Variants in MEIS2 observed in about 807,000 individuals in gnomAD.
MEIS2 encodes the protein homeobox protein Meis2.
In MEIS2, 9 loss-of-function variants were observed where a neutral mutation model predicts 58.6. That is an observed-to-expected ratio of 0.15 (90% CI 0.09 to 0.27). The LOEUF (loss-of-function observed/expected upper bound fraction) is 0.27. Among genes scored for constraint, MEIS2 ranks in the 10% least tolerant of loss-of-function variants. The pLI is 1.00. For synonymous variants in MEIS2, 221 were observed against 228.4 expected (o/e 0.97, Z 0.29); for missense variants, 427 against 635.0 (o/e 0.67, Z 3.52).
chr15:36,917,433 A>G (rs1200204347), intron 9 of MEIS2, among the ~76,000 whole-genome samples: 1 of 151,856 alleles, frequency 6.6e-6, no homozygotes, highest in African/African-American at 2.4e-5. Context: ...TGAGGAAAAA[A>G]ATAAACGAAA....
chr15:37,009,290 A>G (rs1417033621), intron 8 of MEIS2, among the ~76,000 whole-genome samples: 4 of 152,120 alleles, frequency 2.6e-5, no homozygotes, highest in African/African-American at 9.7e-5. Flanking sequence ...CTCCGTCTCA[A>G]AAAAAAATAA....
chr15:36,987,040 A>G (rs2060115537), intron 8 of MEIS2, among the ~76,000 whole-genome samples: 3 of 152,164 alleles, frequency 2.0e-5, no homozygotes, highest in African/African-American at 7.2e-5. Flanking sequence ...TAAGAAAATA[A>G]AACTTTCTGG....
chr15:36,934,687 A>G (rs1483211010), intron 9 of MEIS2, among the ~76,000 whole-genome samples: 1 of 152,218 alleles, frequency 6.6e-6, no homozygotes, highest in Non-Finnish European at 1.5e-5. Context: ...AAATGCTGTC[A>G]TGCAGTGAAA....
chr15:37,030,291 C>T (rs2061861160), intron 8 of MEIS2, among the ~76,000 whole-genome samples: 1 of 152,132 alleles, frequency 6.6e-6, no homozygotes, highest in Non-Finnish European at 1.5e-5. Context: ...AACAAGCAGC[C>T]ACCAAATGTT....
chr15:37,010,626 C>T (rs1323373309), intron 8 of MEIS2, among the ~76,000 whole-genome samples: 2 of 152,220 alleles, frequency 1.3e-5, no homozygotes, highest in Non-Finnish European at 2.9e-5. Flanking sequence ...CAATCCACCC[C>T]CATCGGCCTC....
intron 8 of MEIS2, among the ~76,000 whole-genome samples, chr15:36,973,560 A>G (rs182921217): frequency 6.6e-6 from 1 of 152,216 alleles, no homozygotes; most frequent in Non-Finnish European, 1.5e-5. Flanking sequence ...TAAAAAAGAA[A>G]ACATGAGTGA....
At chr15:37,022,081 A>C (rs1237829757) in intron 8 of MEIS2, among the ~76,000 whole-genome samples, 1 of 152,000 alleles carries the variant, frequency 6.6e-6, no homozygotes, top group Non-Finnish European at 1.5e-5. Flanking sequence ...ATTTTGCATA[A>C]TTTTTGTGTA....
chr15:37,010,085 T>C (rs1268348187), intron 8 of MEIS2, among the ~76,000 whole-genome samples: 1 of 152,058 alleles, frequency 6.6e-6, no homozygotes, highest in Non-Finnish European at 1.5e-5. Context: ...GGGTTTTTTT[T>C]GTTTTGTTTT....
Position 36,969,872 on chromosome 15 carries a change from G to C in MEIS2, c.901-19472C>G, listed in dbSNP as rs994573240. On this transcript the variant is annotated intron_variant, in intron 8 of 11. Coordinates refer to ENST00000561208, the MANE Select transcript of MEIS2 (RefSeq NM_170675.5). Reference sequence around the variant, plus strand: ...TAAATTGCAGCTCCTCGTAACTTAAGACTTGAGAACAATGTCTTTTTGGCT... The same window carrying C: ...TAAATTGCAGCTCCTCGTAACTTAACACTTGAGAACAATGTCTTTTTGGCT... 2.7e-4 allele frequency among the ~76,000 whole-genome samples: 41 copies of C among 151,850 alleles called. 1 individual carries two copies. The highest frequency in any genetic ancestry group is 2.1e-3 in the Admixed American group (32 of 15,214).
intron 7 of MEIS2, among the ~76,000 whole-genome samples, chr15:37,053,200 T>C (rs982229919): frequency 1.1e-4 from 17 of 152,176 alleles, no homozygotes; most frequent in African/African-American, 3.9e-4. Flanking sequence ...ACCTAAGAGC[T>C]ACCAATCAAA....
At chr15:37,001,425 CTCA>C (rs1231920125) in intron 8 of MEIS2, among the ~76,000 whole-genome samples, 1 of 152,188 alleles carries the variant, frequency 6.6e-6, no homozygotes, top group Non-Finnish European at 1.5e-5. Context: ...ATACTGGACT[CTCA>C]TTTTCTCATA....
chr15:36,922,770 C>T (rs1194143282), intron 9 of MEIS2, among the ~76,000 whole-genome samples: 2 of 151,672 alleles, frequency 1.3e-5, no homozygotes, highest in African/African-American at 4.8e-5. Context: ...TGCCACCACA[C>T]CCGCCTAATA....
intron 7 of MEIS2, among the ~76,000 whole-genome samples, chr15:37,062,240 C>T (rs1280268318): frequency 6.6e-6 from 1 of 152,160 alleles, no homozygotes; most frequent in Non-Finnish European, 1.5e-5. Context: ...TACTGATGCC[C>T]TTGGCATAAT....
chr15:36,999,124 C>T (rs2060634708), intron 8 of MEIS2, among the ~76,000 whole-genome samples: 1 of 152,202 alleles, frequency 6.6e-6, no homozygotes, highest in Admixed American at 6.5e-5. Context: ...CAGGTGCTAG[C>T]AATCTCTTTG....
chr15:37,095,520 G>C lies in MEIS2; in HGVS notation c.438+44C>G, dbSNP rs183924525. The C allele has an allele frequency of 8.6e-5, 139 of 1,613,922 alleles. 1 individual carries two copies. In the African/African-American group the frequency reaches 1.5e-3, roughly 17 times the overall value. The stretch of plus-strand genomic sequence containing the variant: ...AGAAAGTGGGTGCTTCTGGGCATGG[G>C]AGAGGGCAAAGGCTGGGGAAAAACA... On this transcript the variant is annotated intron_variant, in intron 4 of 11. Transcript: ENST00000561208.
intron 9 of MEIS2, among the ~76,000 whole-genome samples, chr15:36,934,221 T>G (rs1036733981): frequency 6.6e-6 from 1 of 152,066 alleles, no homozygotes; most frequent in Non-Finnish European, 1.5e-5. Flanking sequence ...ACAGTTGAAA[T>G]TTAAACATAT....
intron 7 of MEIS2, among the ~76,000 whole-genome samples, chr15:37,076,393 CA>C (rs1404319869): frequency 6.6e-6 from 1 of 151,994 alleles, no homozygotes; most frequent in East Asian, 1.9e-4. Flanking sequence ...TGGAGGGCTT[CA>C]ACAAGTACTG....
intron 9 of MEIS2, among the ~76,000 whole-genome samples, chr15:36,909,742 G>A (rs866224545): frequency 4.0e-5 from 6 of 151,840 alleles, no homozygotes; most frequent in Admixed American, 2.0e-4. Context: ...TAGGCTGGCA[G>A]GCAATATGCA....
intron 9 of MEIS2, among the ~76,000 whole-genome samples, chr15:36,921,041 C>T (rs1279121055): frequency 1.3e-5 from 2 of 152,080 alleles, no homozygotes; most frequent in East Asian, 1.9e-4. Context: ...TTTTTAACCT[C>T]GAAGAGCCAA....
Sources: gnomAD v4.1 joint callset for allele counts (sites outside exome capture counted in the v4.1 genomes callset) on GRCh38, gnomAD v4.1.1 for gene constraint, MANE v1.5 for transcripts, NCBI Gene and HGNC (gene_info 2026-07-23, HGNC 2026-07-21) for gene names.